TNNI3K: variants seen among roughly 807,000 people sequenced by gnomAD.
TNNI3K encodes the protein TNNI3 interacting kinase.
Under a neutral mutation model 114.5 loss-of-function variants are expected in TNNI3K, and 140 were observed. The observed-to-expected ratio is 1.22, with a 90% confidence interval of 1.07 to 1.41. The LOEUF is 1.41. Ranked by LOEUF, TNNI3K falls within the 40% of genes most tolerant of loss-of-function variation. The probability of loss-of-function intolerance (pLI) is 0.00; values close to 1 mark genes in which losing one functional copy is unlikely to be tolerated. For missense variants in TNNI3K, 1,125 were observed against 1,007.6 expected, an observed-to-expected ratio of 1.12 and a Z score of -1.58; for synonymous variants, 347 against 347.5, an observed-to-expected ratio of 1.00 and a Z score of 0.02.
intron 5 of TNNI3K, among the ~76,000 whole-genome samples, chr1:74,283,639 A>G (rs1383827944): frequency 2.6e-5 from 4 of 152,158 alleles, no homozygotes; most frequent in African/African-American, 9.7e-5. Context: ...AGATTCAACG[A>G]TTATTGCTAA....
intron 5 of TNNI3K, among the ~76,000 whole-genome samples, chr1:74,280,396 AT>A (rs1656942539): frequency 6.6e-6 from 1 of 151,890 alleles, no homozygotes; most frequent in East Asian, 1.9e-4. Context: ...AAAAAATAAA[AT>A]AAAATAAAAA....
chr1:74,516,533 G>A (rs1027047402), intron 23 of TNNI3K, among the ~76,000 whole-genome samples: 3 of 152,130 alleles, frequency 2.0e-5, no homozygotes, highest in African/African-American at 7.2e-5. Context: ...TGTAGAGCCT[G>A]CCTATATGAG....
At chr1:74,356,969 G>A (rs1199548019) in intron 11 of TNNI3K, among the ~76,000 whole-genome samples, 1 of 152,148 alleles carries the variant, frequency 6.6e-6, no homozygotes, top group Non-Finnish European at 1.5e-5. Flanking sequence ...GGCAAAGCAA[G>A]TCAAATGACA....
chr1:74,291,783 G>T (rs572886231), intron 5 of TNNI3K, among the ~76,000 whole-genome samples: 2 of 151,502 alleles, frequency 1.3e-5, no homozygotes, highest in South Asian at 4.2e-4. Context: ...TTGATGGTTT[G>T]CCTTCAGTAT....
At chr1:74,429,015 A>G (rs1305878461) in intron 17 of TNNI3K, among the ~76,000 whole-genome samples, 1 of 152,092 alleles carries the variant, frequency 6.6e-6, no homozygotes, top group Non-Finnish European at 1.5e-5. Context: ...ATGTTACTGT[A>G]CAATTGTTAT....
intron 2 of TNNI3K, among the ~76,000 whole-genome samples, chr1:74,248,250 C>T (rs1046961504): frequency 5.9e-5 from 9 of 152,098 alleles, no homozygotes; most frequent in African/African-American, 1.9e-4. Context: ...CGCTGGCCTG[C>T]GAGCACTGTG....
At chr1:74,511,106 T>C (rs1670192760) in intron 23 of TNNI3K, among the ~76,000 whole-genome samples, 2 of 152,164 alleles carry the variant, frequency 1.3e-5, no homozygotes, top group African/African-American at 4.8e-5. Context: ...CAGGCTGGTC[T>C]GGAACTCCTG....
chr1:74,252,762 G>A (rs796686195), intron 4 of TNNI3K, among the ~76,000 whole-genome samples: 4 of 152,280 alleles, frequency 2.6e-5, no homozygotes, highest in African/African-American at 9.6e-5. Flanking sequence ...CTGGCTTCAG[G>A]AGTGAAGCTG....
At position 74,426,996 on chromosome 1, in the gene TNNI3K, T is replaced by C. The variant is rs555571680; in HGVS notation, c.1773-9084T>C. Among the ~76,000 whole-genome samples, 27 of 152,260 alleles carry C rather than the reference T, an allele frequency of 1.8e-4. 1 individual carries two copies. The highest frequency in any genetic ancestry group is 1.4e-3 in the South Asian group (7 of 4,834). On this transcript the variant is annotated intron_variant, in intron 17 of 24. Coordinates refer to ENST00000326637, the MANE Select transcript of TNNI3K (RefSeq NM_015978.3). ...CCTTGGGAGGAAAAACAGCTCTTCCTTTATAGAATAAGGGATCATTTAATG... is the reference window on the plus strand; with the variant it reads ...CCTTGGGAGGAAAAACAGCTCTTCCCTTATAGAATAAGGGATCATTTAATG...
chr1:74,440,154 T>C (rs1370815130), intron 20 of TNNI3K, among the ~76,000 whole-genome samples: 3 of 152,016 alleles, frequency 2.0e-5, no homozygotes, highest in Non-Finnish European at 4.4e-5. Flanking sequence ...CTGGCTTTCA[T>C]TGATGATACA....
intron 5 of TNNI3K, among the ~76,000 whole-genome samples, chr1:74,321,835 CTTAA>C (rs898797508): frequency 4.6e-5 from 7 of 151,886 alleles, no homozygotes; most frequent in African/African-American, 1.7e-4. Flanking sequence ...TACTCAAATA[CTTAA>C]TTAGAGATAT....
At chr1:74,262,840 T>C (rs942935630) in intron 4 of TNNI3K, among the ~76,000 whole-genome samples, 1 of 152,272 alleles carries the variant, frequency 6.6e-6, no homozygotes. Context: ...CAGACAGTAG[T>C]ATTTCCTGGA....
At chr1:74,248,816 C>T (rs1460866628) in intron 2 of TNNI3K, among the ~76,000 whole-genome samples, 1 of 152,106 alleles carries the variant, frequency 6.6e-6, no homozygotes, top group Non-Finnish European at 1.5e-5. Flanking sequence ...CAGAGTTATT[C>T]CTGTATCTTT....
chr1:74,330,226 G>T (rs1226182133), intron 5 of TNNI3K, among the ~76,000 whole-genome samples: 1 of 151,970 alleles, frequency 6.6e-6, no homozygotes, highest in Non-Finnish European at 1.5e-5. Context: ...AAATTGAAAA[G>T]AAACAGATAT....
At chr1:74,332,355 C>A (rs1660247882) in intron 6 of TNNI3K, among the ~76,000 whole-genome samples, 1 of 151,080 alleles carries the variant, frequency 6.6e-6, no homozygotes, top group Admixed American at 6.6e-5. Flanking sequence ...GGCTGGAGTG[C>A]AGTGGCTCGA....
intron 17 of TNNI3K, among the ~76,000 whole-genome samples, chr1:74,424,387 G>C (rs1218486220): frequency 1.3e-5 from 2 of 152,018 alleles, no homozygotes; most frequent in East Asian, 3.9e-4. Context: ...TGAAGATGTA[G>C]AAGCAGAAAA....
intron 11 of TNNI3K, among the ~76,000 whole-genome samples, chr1:74,357,877 A>T (rs6424587): frequency 0.9 from 137,191 of 152,110 alleles, 62,255 homozygotes; most frequent in East Asian, 1. Flanking sequence ...ACAAAGGACC[A>T]GCATGAATCA....
At chr1:74,421,843 A>G (rs760941215) in intron 17 of TNNI3K, among the ~76,000 whole-genome samples, 5 of 152,006 alleles carry the variant, frequency 3.3e-5, no homozygotes, top group Non-Finnish European at 7.4e-5. Context: ...CTGGTCACCA[A>G]ACTCCCAGGT....
At chr1:74,318,063 C>T (rs1160127668) in intron 5 of TNNI3K, among the ~76,000 whole-genome samples, 1 of 152,190 alleles carries the variant, frequency 6.6e-6, no homozygotes, top group Non-Finnish European at 1.5e-5. Context: ...ATATCATGGC[C>T]TGGAAACTCT....
Sources: gnomAD v4.1 joint callset for allele counts (sites outside exome capture counted in the v4.1 genomes callset) on GRCh38, gnomAD v4.1.1 for gene constraint, MANE v1.5 for transcripts, NCBI Gene and HGNC (gene_info 2026-07-23, HGNC 2026-07-21) for gene names.